Variants in CDC16 observed in about 807,000 individuals in gnomAD.
The protein encoded by CDC16 is cell division cycle 16, also known as cell division cycle protein 16 homolog.
Under a neutral mutation model 87.0 loss-of-function variants are expected in CDC16, and 34 were observed. That is an observed-to-expected ratio of 0.39 (90% CI 0.30 to 0.52). CDC16 has a LOEUF of 0.52. Among genes scored for constraint, CDC16 ranks in the 20% least tolerant of loss-of-function variants. The pLI is 0.74. For synonymous variants in CDC16, 263 were observed against 260.6 expected, an observed-to-expected ratio of 1.01 and a Z score of -0.09; for missense variants, 653 against 751.9, an observed-to-expected ratio of 0.87 and a Z score of 1.54.
Position 114,236,869 on chromosome 13 carries a change from T to C in CDC16, c.174T>C (p.His58=), listed in dbSNP as rs2081276594. Residue 58 remains histidine (H), a synonymous_variant, in exon 3 of 18, where the codon CAT becomes CAC. Coordinates refer to ENST00000356221, the MANE Select transcript of CDC16 (RefSeq NM_001078645.3). ...YLTAQYHRAA[H]ALRSRKLDKL... ...CAGCACAATATCACAGAGCCGCCCA[T>C]GCACTTCGGTCACGAAAACTGGACA... is the stretch of plus-strand genomic sequence containing the variant. The C allele has an allele frequency of 6.3e-6, 10 of 1,597,232 alleles. No individual in the cohort carries two copies. The East Asian group carries it at 1.3e-4, about 21-fold the overall frequency.
chr13:114,264,674 C>T (rs1021401238), intron 16 of CDC16, among the ~76,000 whole-genome samples: 6 of 151,750 alleles, frequency 4.0e-5, no homozygotes, highest in South Asian at 2.1e-4. Context: ...TGCAGTGGTA[C>T]GATCTCGGCT....
chr13:114,259,131 A>C (rs565230644), intron 13 of CDC16, among the ~76,000 whole-genome samples: 1 of 151,536 alleles, frequency 6.6e-6, no homozygotes, highest in East Asian at 1.9e-4. Context: ...TAAATACTGT[A>C]TCTCCCAAAA....
intron 11 of CDC16, among the ~76,000 whole-genome samples, chr13:114,249,704 C>T (rs1321090386): frequency 6.6e-6 from 1 of 152,112 alleles, no homozygotes; most frequent in East Asian, 1.9e-4. Context: ...ATCCCTCAAG[C>T]CTTGGTATAC....
chr13:114,246,050 G>A lies in CDC16; in HGVS notation c.897+1G>A. 7.3e-7 allele frequency: 1 copy of A among 1,371,408 alleles called. No individual in the cohort carries two copies. The highest frequency in any genetic ancestry group is 1.0e-6 in the Non-Finnish European group (1 of 990,836). The allele number at this position is 1,371,408 out of a possible 1,614,324, so 85.0% of individuals were successfully genotyped here. A position where few individuals can be genotyped will look rare whatever the true frequency, so the allele number is the denominator to read the frequency against. On this transcript the variant is annotated splice_donor_variant, in intron 10 of 17. Coordinates refer to ENST00000356221, the MANE Select transcript of CDC16 (RefSeq NM_001078645.3). LOFTEE classifies it high-confidence loss of function. ...GGTGGATTTATATCCTAGTAATCCT[G>A]TAAGTAATATAACTTTTAGTCTTAG...
Position 114,245,209 on chromosome 13 carries a change from T to C in CDC16, c.847+240T>C, listed in dbSNP as rs186347539. Among the ~76,000 whole-genome samples, 4 of 152,018 alleles carry C rather than the reference T, an allele frequency of 2.6e-5. No homozygotes were observed. In the East Asian group the frequency reaches 5.8e-4, roughly 22 times the overall value. On this transcript the variant is annotated intron_variant, in intron 9 of 17. Transcript: ENST00000356221. ...GCTTCCTACTACCTTTTCTCAAATATCATTTATGTTTCAAGGTTTGTTAGC... is the reference window on the plus strand; with the variant it reads ...GCTTCCTACTACCTTTTCTCAAATACCATTTATGTTTCAAGGTTTGTTAGC...
chr13:114,236,120 T>G (rs1451031003), intron 1 of CDC16, among the ~76,000 whole-genome samples: 1 of 152,238 alleles, frequency 6.6e-6, no homozygotes, highest in Admixed American at 6.5e-5. Flanking sequence ...CCTTCATTTT[T>G]GTTAGACTTG....
At position 114,239,341 on chromosome 13, in the gene CDC16, TC is replaced by T. The variant is rs755962166; in HGVS notation, c.241-7del. On this transcript the variant is annotated splice_region_variant and splice_polypyrimidine_tract_variant and intron_variant, in intron 4 of 17. Transcript: ENST00000356221. ...TGAGTGATGAGCGGCACTTCTGTTT[TC>T]CACGTAGTATGCTGCAAAAGAGCAC... The T allele has an allele frequency of 6.3e-7, 1 of 1,588,602 alleles. No homozygotes were observed. The highest frequency in any genetic ancestry group is 8.6e-7 in the Non-Finnish European group (1 of 1,162,218).
chr13:114,240,272 C>T (rs570639347), intron 5 of CDC16, among the ~76,000 whole-genome samples: 94 of 152,092 alleles, frequency 6.2e-4, no homozygotes, highest in African/African-American at 2.2e-3. Context: ...TGCAGTGGCA[C>T]AATCACAGCT....
chr13:114,234,939 C>T lies in CDC16; in HGVS notation c.-146C>T, dbSNP rs1234201448. On this transcript the variant is annotated 5_prime_UTR_variant, in exon 1 of 18. Coordinates refer to ENST00000356221, the MANE Select transcript of CDC16 (RefSeq NM_001078645.3). ...TGGGGGGTGCGGGTGTGGGTGGGGA[C>T]CTGCGGCCTTCGAGTCCGCGGCCTT... 1.3e-5 allele frequency: 6 copies of T among 471,250 alleles called. No individual in the cohort carries two copies. Among genetic ancestry groups the T allele is most frequent in the Non-Finnish European group, 2.0e-5 (6 of 294,224 alleles). The allele number at this position is 471,250 out of a possible 1,614,324, so 29.2% of individuals were successfully genotyped here.
chr13:114,266,796 T>C (rs1235961516), intron 17 of CDC16, among the ~76,000 whole-genome samples: 4 of 151,968 alleles, frequency 2.6e-5, no homozygotes, highest in Non-Finnish European at 5.9e-5. Flanking sequence ...CCGGGGTTCA[T>C]GCCATTCTCC....
intron 17 of CDC16, among the ~76,000 whole-genome samples, chr13:114,269,953 G>A (rs186907578): frequency 1.3e-4 from 20 of 152,298 alleles, no homozygotes; most frequent in Admixed American, 6.5e-4. Flanking sequence ...TGATCCGCCC[G>A]CCTCAGTCTC....
In CDC16 at chr13:114,260,249, G is replaced by A. The variant is rs1475580044; in HGVS notation, c.1314+851G>A. On this transcript the variant is annotated intron_variant, in intron 14 of 17. Coordinates refer to ENST00000356221, the MANE Select transcript of CDC16 (RefSeq NM_001078645.3). Reference sequence around the variant, plus strand: ...CATAGACACAGCTTTGTTTACTTTGGTCTCTCATGTCATCTGAACTTATAA... The same window carrying A: ...CATAGACACAGCTTTGTTTACTTTGATCTCTCATGTCATCTGAACTTATAA... Among the ~76,000 whole-genome samples the A allele has an allele frequency of 4.6e-5, 7 of 152,262 alleles. 1 individual carries two copies. The highest frequency in any genetic ancestry group is 4.6e-4 in the Admixed American group (7 of 15,298).
intron 12 of CDC16, among the ~76,000 whole-genome samples, chr13:114,255,451 T>C (rs1254326273): frequency 1.3e-5 from 2 of 152,168 alleles, no homozygotes; most frequent in Non-Finnish European, 2.9e-5. Context: ...TAATTGCACA[T>C]TGAGTATCCC....
chr13:114,272,314 G>A lies in CDC16; in HGVS notation c.1734G>A (p.Thr578=), dbSNP rs763260493. The A allele has an allele frequency of 2.5e-6, 4 of 1,614,230 alleles. No homozygotes were observed. Among genetic ancestry groups the A allele is most frequent in the Middle Eastern group, 1.6e-4 (1 of 6,062 alleles). Residue 578 remains threonine, a synonymous_variant, in exon 18 of 18, where the codon ACG becomes ACA. Transcript: ENST00000356221. The stretch of plus-strand genomic sequence containing the variant: ...TAGAAAAACAGACTGCAGAAGAAAC[G>A]GGGCTTACGCCATTGGAAACCTCAA... ...FEVEKQTAEE[T]GLTPLETSRK...
chr13:114,235,382 C>G (rs1468447578), intron 1 of CDC16, among the ~76,000 whole-genome samples: 1 of 152,188 alleles, frequency 6.6e-6, no homozygotes, highest in Non-Finnish European at 1.5e-5. Flanking sequence ...GTCTGAGCCT[C>G]GTTCTGCACC....
intron 11 of CDC16, among the ~76,000 whole-genome samples, chr13:114,249,295 T>C (rs2082034870): frequency 6.6e-6 from 1 of 151,646 alleles, no homozygotes; most frequent in Non-Finnish European, 1.5e-5. Flanking sequence ...CAGGCGGAAA[T>C]GCAAGTGAAG....
rs370207889 is a variant in CDC16 at position 114,236,940 on chromosome 13, A to T, written c.201+44A>T. The T allele has an allele frequency of 2.0e-5, 27 of 1,333,468 alleles. No homozygotes were observed. In the African/African-American group the frequency reaches 4.0e-4, roughly 20 times the overall value. 82.6% of individuals were successfully genotyped at this position (1,333,468 alleles called of 1,614,324 possible). ...TTTAAAGCTCTTCAGAGCTTTAAAA[A>T]AAATGTCATTAGTGGCCGGGCGCGG... On this transcript the variant is annotated intron_variant, in intron 3 of 17. Coordinates refer to ENST00000356221, the MANE Select transcript of CDC16 (RefSeq NM_001078645.3).
At chr13:114,245,880 C>G in intron 9 of CDC16, 120 bp from the exon 10 acceptor site, 1 of 637,972 alleles carries the variant, frequency 1.6e-6, no homozygotes, top group South Asian at 1.8e-5. Flanking sequence ...GAAGGAAAGA[C>G]AAGTATGAAA....
intron 13 of CDC16, 69 bp from the exon 14 acceptor site, chr13:114,259,266 C>CA (rs1566672739): frequency 1.8e-6 from 2 of 1,113,962 alleles, no homozygotes; most frequent in Non-Finnish European, 2.6e-6. Flanking sequence ...GAAAGGTAAT[C>CA]AAAAATTTTT....
Sources: allele counts gnomAD v4.1 joint callset (sites outside exome capture counted in the v4.1 genomes callset), GRCh38; gene constraint gnomAD v4.1.1; transcripts MANE v1.5; gene names NCBI Gene and HGNC (gene_info 2026-07-23, HGNC 2026-07-21).